The following NCAM1 variants were observed in gnomAD, a reference collection of about 807,000 sequenced individuals.
NCAM1 encodes antigen recognized by monoclonal antibody 5.1H11.
In NCAM1, 14 loss-of-function variants were observed where a neutral mutation model predicts 109.8. The observed-to-expected ratio is 0.13, with a 90% confidence interval of 0.08 to 0.20. The LOEUF (loss-of-function observed/expected upper bound fraction) is 0.20, where lower values mean the gene tolerates loss of function less well. Ranked by LOEUF, NCAM1 falls within the 10% of genes least tolerant of loss-of-function variation. NCAM1 has a pLI of 1.00. For missense variants in NCAM1, 774 were observed against 1,109.9 expected (o/e 0.70, Z 4.30); for synonymous variants, 418 against 442.9 (o/e 0.94, Z 0.70).
Position 113,233,420 on chromosome 11 carries a change from C to A in NCAM1, c.1693+103C>A. 1 of 1,257,152 alleles carries A rather than the reference C, an allele frequency of 8.0e-7. No individual in the cohort carries two copies. The highest frequency in any genetic ancestry group is 1.1e-6 in the Non-Finnish European group (1 of 905,464). The allele number at this position is 1,257,152 out of a possible 1,614,324, so 77.9% of individuals were successfully genotyped here. A position where few individuals can be genotyped will look rare whatever the true frequency, so the allele number is the denominator to read the frequency against. ...CATGTTCCTACAGAATCAGGAACTG[C>A]ACCTCCAGAATTAGGTCAAAGTCAT... On this transcript the variant is annotated intron_variant, in intron 13 of 19. Transcript: ENST00000316851. The surrounding 1 kb of genome is among the most constrained non-coding windows in gnomAD (Gnocchi z 4.5).
At chr11:113,234,346 A>G (rs1945099317) in intron 13 of NCAM1, among the ~76,000 whole-genome samples, 1 of 152,004 alleles carries the variant, frequency 6.6e-6, no homozygotes, top group Non-Finnish European at 1.5e-5. Flanking sequence ...TTTAAGTGTA[A>G]AATTCAGTGG....
intron 1 of NCAM1, among the ~76,000 whole-genome samples, chr11:112,983,974 T>C (rs1485692015): frequency 6.6e-6 from 1 of 151,934 alleles, no homozygotes; most frequent in Non-Finnish European, 1.5e-5. Flanking sequence ...TACCTGGTGA[T>C]CATGTGGTGC....
intron 17 of NCAM1, chr11:113,262,897 C>G (rs782505767): frequency 6.2e-7 from 1 of 1,613,848 alleles, no homozygotes; most frequent in East Asian, 2.2e-5. Flanking sequence ...TTGCTTTTCT[C>G]TGCAGTGACT....
At chr11:113,164,374 C>CATTTCTGACATAAATA (rs1276506876) in intron 1 of NCAM1, among the ~76,000 whole-genome samples, 7 of 152,276 alleles carry the variant, frequency 4.6e-5, no homozygotes, top group African/African-American at 1.7e-4. Flanking sequence ...TAATTTAAAT[C>CATTTCTGACATAAATA]ATTTCTGACA....
intron 1 of NCAM1, among the ~76,000 whole-genome samples, chr11:113,198,651 C>T (rs1313248575): frequency 6.6e-6 from 1 of 152,104 alleles, no homozygotes; most frequent in African/African-American, 2.4e-5. Flanking sequence ...GATGTTAGAT[C>T]TTTGTACAAA....
chr11:113,025,763 A>G, intron 1 of NCAM1, among the ~76,000 whole-genome samples: 1 of 145,048 alleles, frequency 6.9e-6, no homozygotes, highest in Non-Finnish European at 1.5e-5. Context: ...ATGAGATTGG[A>G]ACGACACAGG....
intron 1 of NCAM1, among the ~76,000 whole-genome samples, chr11:113,081,621 G>C (rs140875447): frequency 6.6e-6 from 1 of 151,878 alleles, no homozygotes; most frequent in African/African-American, 2.4e-5. Flanking sequence ...TGCAACCTCT[G>C]CCTCTGGGTA....
At chr11:113,084,829 C>T (rs187848789) in intron 1 of NCAM1, among the ~76,000 whole-genome samples, 1 of 152,276 alleles carries the variant, frequency 6.6e-6, no homozygotes, top group East Asian at 1.9e-4. Flanking sequence ...TCAAAGGTGG[C>T]AAAAGTGTTA....
At chr11:113,026,398 T>C (rs1555077339) in intron 1 of NCAM1, among the ~76,000 whole-genome samples, 1 of 152,198 alleles carries the variant, frequency 6.6e-6, no homozygotes, top group East Asian at 1.9e-4. Context: ...GGAAACGGAA[T>C]GTCTCTGTCA....
chr11:113,009,331 T>TTTTTTTTTTTTTTTTA (rs1565379756), intron 1 of NCAM1, among the ~76,000 whole-genome samples: 1 of 136,616 alleles, frequency 7.3e-6, no homozygotes, highest in Non-Finnish European at 1.6e-5. Context: ...TTTTTTTTTT[T>TTTTTTTTTTTTTTTTA]TTTTTTTTTT....
rs60389510 is a variant in NCAM1 at position 113,199,829 on chromosome 11, T to TGAAA, written c.53-2550_53-2549insGAAA. Among the ~76,000 whole-genome samples the TGAAA allele has an allele frequency of 3.4e-3, 388 of 115,762 alleles. 27 individuals carry two copies. The highest frequency in any genetic ancestry group is 0.01 in the African/African-American group (304 of 29,344). The allele number at this position is 115,762 out of a possible 152,430, so 75.9% of individuals were successfully genotyped here. ...GCAAATAAAGTAAAAGAAACACCCT[T>TGAAA]AAAAAAAAAAAAAAAAAAAACTTCT... is the stretch of plus-strand genomic sequence containing the variant. On this transcript the variant is annotated intron_variant, in intron 1 of 19. Transcript: ENST00000316851.
intron 1 of NCAM1, among the ~76,000 whole-genome samples, chr11:113,014,949 G>A (rs1952169409): frequency 6.6e-6 from 1 of 152,206 alleles, no homozygotes; most frequent in Admixed American, 6.5e-5. Flanking sequence ...GGCTGTGAGT[G>A]GATGTGGCCC....
intron 1 of NCAM1, among the ~76,000 whole-genome samples, chr11:113,024,600 G>A (rs1233497440): frequency 2.6e-5 from 4 of 152,068 alleles, no homozygotes; most frequent in South Asian, 4.2e-4. Flanking sequence ...GTTTGCAAAA[G>A]TAACATAAGA....
intron 1 of NCAM1, among the ~76,000 whole-genome samples, chr11:113,055,715 C>T (rs577986016): frequency 4.1e-4 from 62 of 151,666 alleles, no homozygotes; most frequent in African/African-American, 1.0e-3. Flanking sequence ...ATCAATGTAA[C>T]GCAGCAAAGG....
intron 16 of NCAM1, among the ~76,000 whole-genome samples, 159 bp downstream of exon 16, chr11:113,256,160 A>C (rs1555122300): frequency 6.6e-6 from 1 of 152,044 alleles, no homozygotes; most frequent in African/African-American, 2.4e-5. Flanking sequence ...TTAAAATCCC[A>C]AGACAGCCCT....
rs551176419 is a variant in NCAM1, at chr11:112,975,062, A to G, written c.52+13398A>G. Reference sequence around the variant, plus strand: ...TCTTAAAGGAAAAGGGACATGCTCTAGGGGTGCATCAAAGGCAAAAACCCG... The same window carrying G: ...TCTTAAAGGAAAAGGGACATGCTCTGGGGGTGCATCAAAGGCAAAAACCCG... On this transcript the variant is annotated intron_variant, in intron 1 of 19. Transcript: ENST00000316851. Among the ~76,000 whole-genome samples, 3 of 152,160 alleles carry G rather than the reference A, an allele frequency of 2.0e-5. No individual in the cohort carries two copies. The South Asian group carries it at 6.2e-4, about 32-fold the overall frequency.
chr11:112,973,282 T>C (rs1555067131), intron 1 of NCAM1, among the ~76,000 whole-genome samples: 1 of 152,156 alleles, frequency 6.6e-6, no homozygotes, highest in Non-Finnish European at 1.5e-5. Flanking sequence ...TCTGTTCACA[T>C]GAGAGGCTGC....
chr11:113,123,255 G>C (rs1941041543), intron 1 of NCAM1, among the ~76,000 whole-genome samples: 1 of 152,098 alleles, frequency 6.6e-6, no homozygotes, highest in African/African-American at 2.4e-5. Flanking sequence ...TCCTGGCGAT[G>C]GATAATCTAA....
At chr11:113,109,990 A>G (rs1207141301) in intron 1 of NCAM1, among the ~76,000 whole-genome samples, 16 of 152,196 alleles carry the variant, frequency 1.1e-4, no homozygotes, top group African/African-American at 3.9e-4. Flanking sequence ...GGAGATATAC[A>G]TGAATGTGTG....
Sources: allele counts gnomAD v4.1 joint callset (sites outside exome capture counted in the v4.1 genomes callset), GRCh38; gene constraint gnomAD v4.1.1; non-coding constraint Gnocchi (gnomAD v3.1); transcripts MANE v1.5; gene names NCBI Gene and HGNC (gene_info 2026-07-23, HGNC 2026-07-21).